The following MACC1 variants were observed in gnomAD, a reference collection of about 807,000 sequenced individuals.
MACC1 encodes MET transcriptional regulator MACC1.
MACC1 carries 79 observed loss-of-function variants against 70.7 expected under a neutral mutation model. The observed-to-expected ratio is 1.12, with a 90% CI of 0.93 to 1.35. The LOEUF is 1.35. MACC1 is among the 40% of genes most tolerant of loss of function. MACC1 has a pLI of 0.00. For missense variants in MACC1, 1,106 were observed against 978.1 expected (o/e 1.13, Z -1.74); for synonymous variants, 361 against 347.2 (o/e 1.04, Z -0.44).
In MACC1 at chr7:20,139,506, G is replaced by A. The variant is rs1320508154; in HGVS notation, c.*1440C>T. 1 of 152,048 alleles carries A rather than the reference G, an allele frequency of 6.6e-6. No individual in the cohort carries two copies. The highest frequency in any genetic ancestry group is 1.5e-5 in the Non-Finnish European group (1 of 68,030). The allele number at this position is 152,048 out of a possible 1,614,324, so 9.4% of individuals were successfully genotyped here. ...TGCATGCCATTTTCTATTTAACGGT[G>A]TCATTTTTTAAAATTATCTATTACT... is the stretch of plus-strand genomic sequence containing the variant. On this transcript the variant is annotated 3_prime_UTR_variant, in exon 7 of 7. Transcript: ENST00000400331.
chr7:20,183,706 C>T (rs73084504), intron 1 of MACC1, among the ~76,000 whole-genome samples: 3 of 135,362 alleles, frequency 2.2e-5, no homozygotes, highest in Admixed American at 7.5e-5. Flanking sequence ...ATACCTGATT[C>T]TAACTTTTTT....
At chr7:20,215,527 T>C (rs1384971755) in intron 1 of MACC1, among the ~76,000 whole-genome samples, 1 of 152,226 alleles carries the variant, frequency 6.6e-6, no homozygotes, top group Non-Finnish European at 1.5e-5. Flanking sequence ...ATTCTAATTC[T>C]ATCCTGGACT....
chr7:20,208,764 G>A (rs1782951709), intron 1 of MACC1, among the ~76,000 whole-genome samples: 1 of 152,198 alleles, frequency 6.6e-6, no homozygotes, highest in South Asian at 2.1e-4. Context: ...ATGTCTCCGG[G>A]GCATGTCAGA....
chr7:20,198,451 T>G (rs1228620501), intron 1 of MACC1: 1 of 152,258 alleles, frequency 6.6e-6, no homozygotes, highest in Non-Finnish European at 1.5e-5. Context: ...TAGAGTTTAA[T>G]GGATGTTGGT....
chr7:20,169,268 T>G (rs1256902398), intron 2 of MACC1, among the ~76,000 whole-genome samples: 3 of 152,220 alleles, frequency 2.0e-5, no homozygotes, highest in Non-Finnish European at 2.9e-5. Flanking sequence ...TAGCTACAAA[T>G]CTTGTCCCTG....
chr7:20,182,133 T>C (rs927909497), intron 1 of MACC1, among the ~76,000 whole-genome samples: 2 of 138,116 alleles, frequency 1.4e-5, no homozygotes, highest in South Asian at 2.3e-4. Flanking sequence ...TAGGTGGGAA[T>C]TGAACAATGA....
chr7:20,173,315 C>T (rs1299923629), intron 1 of MACC1, among the ~76,000 whole-genome samples: 1 of 152,190 alleles, frequency 6.6e-6, no homozygotes, highest in Non-Finnish European at 1.5e-5. Context: ...TGTCTCGGGA[C>T]TATGTGCTAG....
At chr7:20,201,790 G>C (rs1045534469) in intron 1 of MACC1, among the ~76,000 whole-genome samples, 2 of 152,152 alleles carry the variant, frequency 1.3e-5, no homozygotes, top group African/African-American at 4.8e-5. Flanking sequence ...TTACCCTTTT[G>C]AGGTTTTGCA....
chr7:20,156,449 C>G (rs1782056152), intron 5 of MACC1, among the ~76,000 whole-genome samples: 1 of 152,160 alleles, frequency 6.6e-6, no homozygotes, highest in Non-Finnish European at 1.5e-5. Context: ...CATTAATGAC[C>G]TTTGGCCATT....
At chr7:20,205,419 A>C (rs1024179503) in intron 1 of MACC1, among the ~76,000 whole-genome samples, 1 of 152,172 alleles carries the variant, frequency 6.6e-6, no homozygotes, top group African/African-American at 2.4e-5. Flanking sequence ...GGCTTCCTTG[A>C]TCCTGCTTGA....
At chr7:20,151,190 G>T (rs998331268) in intron 6 of MACC1, among the ~76,000 whole-genome samples, 2 of 152,104 alleles carry the variant, frequency 1.3e-5, no homozygotes, top group African/African-American at 4.8e-5. Flanking sequence ...AAAAAGTATT[G>T]TCATTTGTGG....
At chr7:20,170,185 T>C (rs1046399595) in intron 2 of MACC1, 7 of 152,240 alleles carry the variant, frequency 4.6e-5, no homozygotes, top group African/African-American at 1.7e-4. Context: ...TAGAAATGAA[T>C]TCACTGGTCT....
rs1583373614 is a variant in MACC1, at chr7:20,137,162, G to A, written c.*3784C>T. The A allele has an allele frequency of 1.3e-5, 2 of 152,066 alleles. No individual in the cohort carries two copies. Among genetic ancestry groups the A allele is most frequent in the African/African-American group, 2.4e-5 (1 of 41,490 alleles). 9.4% of individuals were successfully genotyped at this position (152,066 alleles called of 1,614,324 possible). ...ACAATAGCACAATATAAAAATTCAAGTCCTTCAACTTCCAGTTATAGCATT... is the reference window on the plus strand; with the variant it reads ...ACAATAGCACAATATAAAAATTCAAATCCTTCAACTTCCAGTTATAGCATT... On this transcript the variant is annotated 3_prime_UTR_variant, in exon 7 of 7. Coordinates refer to ENST00000400331, the MANE Select transcript of MACC1 (RefSeq NM_182762.4).
At chr7:20,157,230 T>C (rs1251804006) in intron 5 of MACC1, among the ~76,000 whole-genome samples, 1 of 152,214 alleles carries the variant, frequency 6.6e-6, no homozygotes, top group Non-Finnish European at 1.5e-5. Context: ...TTTACACTCA[T>C]GTTTTAACCA....
intron 1 of MACC1, among the ~76,000 whole-genome samples, chr7:20,209,363 G>T (rs1562604363): frequency 6.6e-6 from 1 of 152,244 alleles, no homozygotes; most frequent in African/African-American, 2.4e-5. Flanking sequence ...GCTGCCCAAG[G>T]CCATAGGAGC....
At chr7:20,190,200 T>G (rs1782652192) in intron 1 of MACC1, among the ~76,000 whole-genome samples, 1 of 152,232 alleles carries the variant, frequency 6.6e-6, no homozygotes, top group African/African-American at 2.4e-5. Context: ...ATTTCTATTT[T>G]TCTTTACTCC....
rs370835503 is a variant in MACC1 at position 20,177,134 on chromosome 7, GAAGGT to G, written c.-217-6361_-217-6357del. Among the ~76,000 whole-genome samples the G allele has an allele frequency of 6.2e-3, 949 of 152,222 alleles. 16 individuals carry two copies. Among genetic ancestry groups the G allele is most frequent in the African/African-American group, 0.022 (898 of 41,574 alleles). ...ATGGTCCCTTTAGGGGAACTAGATG[GAAGGT>G]ATATAGGATTTTGTACTATCTTTCC... On this transcript the variant is annotated intron_variant, in intron 1 of 6. Coordinates refer to ENST00000400331, the MANE Select transcript of MACC1 (RefSeq NM_182762.4).
At chr7:20,210,840 C>A (rs1782985062) in intron 1 of MACC1, among the ~76,000 whole-genome samples, 1 of 152,108 alleles carries the variant, frequency 6.6e-6, no homozygotes, top group East Asian at 1.9e-4. Context: ...TCTGTAGTTG[C>A]CACTTTCCCA....
At chr7:20,147,999 A>G (rs1294864329) in intron 6 of MACC1, among the ~76,000 whole-genome samples, 2 of 152,148 alleles carry the variant, frequency 1.3e-5, no homozygotes, top group African/African-American at 2.4e-5. Flanking sequence ...GGCTCCTTCA[A>G]TTTAATTTTT....
Sources: allele counts gnomAD v4.1 joint callset (sites outside exome capture counted in the v4.1 genomes callset), GRCh38; gene constraint gnomAD v4.1.1; transcripts MANE v1.5; gene names NCBI Gene and HGNC (gene_info 2026-07-23, HGNC 2026-07-21).